The following PCDHGA8 variants were observed in gnomAD, a reference collection of about 807,000 sequenced individuals.
PCDHGA8 encodes protocadherin gamma-A8.
PCDHGA8 carries 45 observed loss-of-function variants against 59.2 expected under a neutral mutation model. The observed-to-expected ratio is 0.76, with a 90% CI of 0.60 to 0.98. The LOEUF is 0.98. PCDHGA8 is among the 50% of genes least tolerant of loss of function. The probability of loss-of-function intolerance (pLI) is 0.00; values close to 1 mark genes in which losing one functional copy is unlikely to be tolerated. For missense variants in PCDHGA8, 1,257 were observed against 1,196.2 expected (o/e 1.05, Z -0.75); for synonymous variants, 531 against 519.0 (o/e 1.02, Z -0.32).
In PCDHGA8 at chr5:141,486,172, T is replaced by C; in HGVS notation, c.2425-8635T>C. ...GGGGTTCTCCAGCCATGGAGCAACA[T>C]TGCAGCCTTCGAGTGGATCTGCTGG... On this transcript the variant is annotated intron_variant, in intron 1 of 3. Transcript: ENST00000398604. The surrounding 1 kb of genome is among the most constrained non-coding windows in gnomAD (Gnocchi z 5.0). 3 of 1,614,212 alleles carry C rather than the reference T, an allele frequency of 1.9e-6. No homozygotes were observed. Among genetic ancestry groups the C allele is most frequent in the Admixed American group, 1.7e-5 (1 of 60,036 alleles).
In PCDHGA8 at chr5:141,488,435, C is replaced by T. The variant is rs111661764; in HGVS notation, c.2425-6372C>T. Among the ~76,000 whole-genome samples, 87 of 152,276 alleles carry T rather than the reference C, an allele frequency of 5.7e-4. 1 individual carries two copies. The highest frequency in any genetic ancestry group is 1.6e-3 in the African/African-American group (67 of 41,546). On this transcript the variant is annotated intron_variant, in intron 1 of 3. Transcript: ENST00000398604. ...AAGCCATCCATGCTTGGCCTCTGAC[C>T]ACCCTCCTGGGTGACCTGATTCAGC...
rs779792543 is a variant in PCDHGA8 at position 141,486,994 on chromosome 5, C to T, written c.2425-7813C>T. ...ATTCAGGTTACAATGCTTGGGTTTCCTATCAGCTCCTGGAGGCCCCAGATC... is the reference window on the plus strand; with the variant it reads ...ATTCAGGTTACAATGCTTGGGTTTCTTATCAGCTCCTGGAGGCCCCAGATC... On this transcript the variant is annotated intron_variant, in intron 1 of 3. Coordinates refer to ENST00000398604, the MANE Select transcript of PCDHGA8 (RefSeq NM_032088.2). This position sits in a 1 kb window ranked among gnomAD's most constrained non-coding sequence, Gnocchi z 5.0. The T allele has an allele frequency of 6.2e-7, 1 of 1,614,214 alleles. No individual in the cohort carries two copies. The highest frequency in any genetic ancestry group is 8.5e-7 in the Non-Finnish European group (1 of 1,180,034).
chr5:141,419,122 C>T (rs1418298635), intron 1 of PCDHGA8: 2 of 1,613,862 alleles, frequency 1.2e-6, no homozygotes, highest in African/African-American at 1.3e-5. Flanking sequence ...ACAACGTCAC[C>T]ATCGCAGCCA....
chr5:141,422,686 C>T, intron 1 of PCDHGA8: 1 of 1,605,000 alleles, frequency 6.2e-7, no homozygotes, highest in East Asian at 2.2e-5. Flanking sequence ...ACAGAATGCC[C>T]TGGTCACTTA....
At chr5:141,438,739 G>A (rs1264194876) in intron 1 of PCDHGA8, among the ~76,000 whole-genome samples, 1 of 149,040 alleles carries the variant, frequency 6.7e-6, no homozygotes, top group African/African-American at 2.5e-5. Context: ...TCAGCTCACT[G>A]CAACCTCTGC....
Position 141,395,086 on chromosome 5 carries a change from C to A in PCDHGA8, c.2273C>A (p.Ser758Tyr). The stretch of plus-strand genomic sequence containing the variant: ...CTGCAGACCTATTCCCAGGAAGTCT[C>A]CCTCACCGCCGACTCGCGGAAGAGT... ...AFLQTYSQEV[S>Y]LTADSRKSHL... Residue 758 changes from serine to tyrosine, a missense_variant, in exon 1 of 4, where the codon TCC becomes TAC. Transcript: ENST00000398604. 1 of 1,614,166 alleles carries A rather than the reference C, an allele frequency of 6.2e-7. No individual in the cohort carries two copies. The highest frequency in any genetic ancestry group is 8.5e-7 in the Non-Finnish European group (1 of 1,180,042).
chr5:141,492,546 G>A (rs2154587552), intron 1 of PCDHGA8, among the ~76,000 whole-genome samples: 1 of 152,336 alleles, frequency 6.6e-6, no homozygotes, highest in East Asian at 1.9e-4. Flanking sequence ...GCTGGGCCGG[G>A]TCGCCTGGGG....
At chr5:141,459,319 T>G (rs1270005431) in intron 1 of PCDHGA8, among the ~76,000 whole-genome samples, 1 of 152,216 alleles carries the variant, frequency 6.6e-6, no homozygotes, top group Non-Finnish European at 1.5e-5. Context: ...TTTGTATCCA[T>G]CTTCTTTTAC....
chr5:141,412,805 A>G (rs2095578499), intron 1 of PCDHGA8, among the ~76,000 whole-genome samples: 1 of 152,246 alleles, frequency 6.6e-6, no homozygotes, highest in Non-Finnish European at 1.5e-5. Context: ...ACCTCCCCTA[A>G]GAAACCTACA....
In PCDHGA8 at chr5:141,393,366, G is replaced by A. The variant is rs998330932; in HGVS notation, c.553G>A (p.Gly185Arg). The A allele has an allele frequency of 6.2e-7, 1 of 1,613,874 alleles. No homozygotes were observed. Among genetic ancestry groups the A allele is most frequent in the African/African-American group, 1.3e-5 (1 of 74,940 alleles). The stretch of plus-strand genomic sequence containing the variant: ...CCACTTCTCCCTGGACGTGCAGACT[G>A]GAGACAATGGAGCCATAAACCCAGA... ...NHHFSLDVQT[G>R]DNGAINPELV... The change falls in exon 1 of 4, where the codon GGA (glycine) becomes AGA (arginine). Residue 185 changes from glycine (G) to arginine (R), a missense_variant. Coordinates refer to ENST00000398604, the MANE Select transcript of PCDHGA8 (RefSeq NM_032088.2).
intron 1 of PCDHGA8, chr5:141,418,042 G>A: frequency 6.2e-7 from 1 of 1,614,014 alleles, no homozygotes; most frequent in South Asian, 1.1e-5. Context: ...TCCTGGATGT[G>A]TCGGCTCGCG....
At chr5:141,402,753 A>G (rs914241458) in intron 1 of PCDHGA8, among the ~76,000 whole-genome samples, 8 of 152,326 alleles carry the variant, frequency 5.3e-5, no homozygotes, top group Admixed American at 5.2e-4. Context: ...CTCTAAGCGA[A>G]AATCAGGACT....
intron 1 of PCDHGA8, chr5:141,422,528 C>T: frequency 5.0e-6 from 8 of 1,614,018 alleles, no homozygotes; most frequent in Non-Finnish European, 5.1e-6. Flanking sequence ...CCGCCTTTGT[C>T]TGCAGAAACT....
intron 1 of PCDHGA8, among the ~76,000 whole-genome samples, chr5:141,401,463 C>G (rs2094158062): frequency 6.6e-6 from 1 of 152,214 alleles, no homozygotes; most frequent in Admixed American, 6.5e-5. Flanking sequence ...AAATAATTTT[C>G]TAAGTTTATC....
Position 141,491,869 on chromosome 5 carries a change from G to A in PCDHGA8, c.2425-2938G>A. On this transcript the variant is annotated intron_variant, in intron 1 of 3. Transcript: ENST00000398604. The surrounding 1 kb of genome is among the most constrained non-coding windows in gnomAD (Gnocchi z 6.9). ...GGACCGTTTGCGCGAAACCAGAGTG[G>A]CCGATTAAGGGATGGGGCTCCGAGC... The A allele has an allele frequency of 6.9e-7, 1 of 1,453,094 alleles. No individual in the cohort carries two copies. Among genetic ancestry groups the A allele is most frequent in the Non-Finnish European group, 9.1e-7 (1 of 1,099,380 alleles). 90.0% of individuals were successfully genotyped at this position (1,453,094 alleles called of 1,614,324 possible).
At chr5:141,446,049 G>T (rs1043671484) in intron 1 of PCDHGA8, among the ~76,000 whole-genome samples, 1 of 152,100 alleles carries the variant, frequency 6.6e-6, no homozygotes, top group African/African-American at 2.4e-5. Context: ...AAGAAGAGCT[G>T]GCTTGGATTA....
Position 141,491,916 on chromosome 5 carries a change from G to T in PCDHGA8, c.2425-2891G>T. ...GAGCACCGGGGGTGGTGGCGACTGT[G>T]GGCGAGGGGAGGTGGGACCGACCCC... On this transcript the variant is annotated intron_variant, in intron 1 of 3. Transcript: ENST00000398604. The surrounding 1 kb of genome is among the most constrained non-coding windows in gnomAD (Gnocchi z 6.9). 2 of 1,386,662 alleles carry T rather than the reference G, an allele frequency of 1.4e-6. No homozygotes were observed. Among genetic ancestry groups the T allele is most frequent in the African/African-American group, 1.5e-5 (1 of 68,510 alleles). The allele number at this position is 1,386,662 out of a possible 1,614,324, so 85.9% of individuals were successfully genotyped here.
intron 1 of PCDHGA8, among the ~76,000 whole-genome samples, chr5:141,437,339 T>A (rs1008090968): frequency 3.3e-5 from 5 of 152,262 alleles, no homozygotes; most frequent in Non-Finnish European, 7.3e-5. Context: ...GTAGCTTCAC[T>A]GTTTTATAGT....
chr5:141,504,765 C>T lies in PCDHGA8; in HGVS notation c.2484-628C>T, dbSNP rs548234873. ...ATTGAATTTTAGAAATTTCTTCTCC[C>T]TGCTCCAGGGTCTCTTGGGGCCTCC... On this transcript the variant is annotated intron_variant, in intron 2 of 3. Transcript: ENST00000398604. Among the ~76,000 whole-genome samples, 4 of 152,156 alleles carry T rather than the reference C, an allele frequency of 2.6e-5. No homozygotes were observed. The South Asian group carries it at 8.3e-4, about 32-fold the overall frequency.
Sources: gnomAD v4.1 joint callset for allele counts (sites outside exome capture counted in the v4.1 genomes callset) on GRCh38, gnomAD v4.1.1 for gene constraint, Gnocchi (gnomAD v3.1) non-coding constraint, MANE v1.5 for transcripts, NCBI Gene and HGNC (gene_info 2026-07-23, HGNC 2026-07-21) for gene names.